The following DPYD variants were observed in gnomAD, a reference collection of about 807,000 sequenced individuals.
The protein encoded by DPYD is dihydropyrimidine dehydrogenase [NADP(+)].
In DPYD, 109 loss-of-function variants were observed where a neutral mutation model predicts 116.2. That is an observed-to-expected ratio of 0.94 (90% confidence interval 0.80 to 1.10). The LOEUF is 1.10. DPYD is among the 50% of genes least tolerant of loss of function. The pLI, the probability that DPYD is intolerant of heterozygous loss-of-function variation, is 0.00. For missense variants in DPYD, 1,302 were observed against 1,254.5 expected, an observed-to-expected ratio of 1.04 and a Z score of -0.57; for synonymous variants, 440 against 432.0, an observed-to-expected ratio of 1.02 and a Z score of -0.23.
At chr1:97,416,322 A>G (rs761437064) in intron 14 of DPYD, among the ~76,000 whole-genome samples, 4 of 152,212 alleles carry the variant, frequency 2.6e-5, no homozygotes, top group Non-Finnish European at 4.4e-5. Context: ...TAGTCTTGTC[A>G]ATAGTTCATG....
intron 3 of DPYD, among the ~76,000 whole-genome samples, chr1:97,763,990 A>G (rs889142659): frequency 2.0e-5 from 3 of 152,204 alleles, no homozygotes; most frequent in African/African-American, 7.2e-5. Flanking sequence ...ATTCAGAATG[A>G]ACATAAAAGT....
At chr1:97,458,757 C>A (rs1676848139) in intron 13 of DPYD, among the ~76,000 whole-genome samples, 1 of 152,126 alleles carries the variant, frequency 6.6e-6, no homozygotes, top group African/African-American at 2.4e-5. Flanking sequence ...AGAATCTTAA[C>A]CTGTGTGAGC....
intron 14 of DPYD, among the ~76,000 whole-genome samples, chr1:97,407,190 T>C (rs1261439912): frequency 6.6e-6 from 1 of 152,152 alleles, no homozygotes; most frequent in African/African-American, 2.4e-5. Flanking sequence ...AATAAAATAA[T>C]GAAAACTCTT....
intron 7 of DPYD, among the ~76,000 whole-genome samples, chr1:97,688,530 C>A (rs1449837863): frequency 6.6e-6 from 1 of 151,924 alleles, no homozygotes; most frequent in African/African-American, 2.4e-5. Flanking sequence ...GAGAAGATGA[C>A]AACTTCCAAA....
intron 12 of DPYD, among the ~76,000 whole-genome samples, chr1:97,533,533 C>T (rs940468202): frequency 3.3e-5 from 5 of 152,126 alleles, no homozygotes; most frequent in South Asian, 4.1e-4. Context: ...GTAATAAAAA[C>T]ATGGTGACCA....
chr1:97,784,472 G>A (rs1349024982), intron 3 of DPYD, among the ~76,000 whole-genome samples: 1 of 152,010 alleles, frequency 6.6e-6, no homozygotes, highest in African/African-American at 2.4e-5. Flanking sequence ...TTAAACAAAT[G>A]TAAATATATG....
At chr1:97,487,895 C>T (rs1333097076) in intron 13 of DPYD, among the ~76,000 whole-genome samples, 1 of 152,030 alleles carries the variant, frequency 6.6e-6, no homozygotes, top group Admixed American at 6.6e-5. Context: ...ATATAGTTAC[C>T]ATATGACCCA....
intron 16 of DPYD, among the ~76,000 whole-genome samples, chr1:97,346,849 A>C (rs1018324782): frequency 1.3e-5 from 2 of 151,946 alleles, no homozygotes; most frequent in African/African-American, 4.8e-5. Flanking sequence ...ATATAGCTTT[A>C]TAAGAATTGT....
intron 14 of DPYD, among the ~76,000 whole-genome samples, chr1:97,429,856 T>C (rs1675075486): frequency 6.6e-6 from 1 of 152,084 alleles, no homozygotes; most frequent in South Asian, 2.1e-4. Context: ...TTAAGAGGAA[T>C]AGGGATGTGG....
intron 19 of DPYD, among the ~76,000 whole-genome samples, chr1:97,203,793 C>CAAAAA (rs56819543): frequency 4.0e-4 from 26 of 65,702 alleles, no homozygotes; most frequent in East Asian, 9.3e-4. Context: ...ATTCACATTC[C>CAAAAA]AAAAAAAAAA....
intron 8 of DPYD, among the ~76,000 whole-genome samples, chr1:97,666,351 G>T (rs1659556172): frequency 6.6e-6 from 1 of 151,906 alleles, no homozygotes; most frequent in African/African-American, 2.4e-5. Flanking sequence ...TAGAGATAAG[G>T]TCTTGCTATG....
At chr1:97,681,079 G>T (rs1660405099) in intron 7 of DPYD, among the ~76,000 whole-genome samples, 1 of 152,118 alleles carries the variant, frequency 6.6e-6, no homozygotes, top group African/African-American at 2.4e-5. Context: ...TCTCTTCTAA[G>T]TACTGCATAT....
chr1:97,456,341 C>T (rs967591897), intron 13 of DPYD, among the ~76,000 whole-genome samples: 1 of 151,976 alleles, frequency 6.6e-6, no homozygotes, highest in Non-Finnish European at 1.5e-5. Flanking sequence ...ACATAACACA[C>T]ACAAATATGC....
intron 7 of DPYD, among the ~76,000 whole-genome samples, chr1:97,685,659 G>A (rs761573180): frequency 1.6e-4 from 25 of 152,272 alleles, no homozygotes; most frequent in East Asian, 9.7e-4. Context: ...CAAAGTCAGC[G>A]TGCAAAAACC....
chr1:97,555,698 A>T (rs1262116830), intron 11 of DPYD, among the ~76,000 whole-genome samples: 1 of 152,054 alleles, frequency 6.6e-6, no homozygotes, highest in Non-Finnish European at 1.5e-5. Flanking sequence ...GCAAAACTAC[A>T]AACCTACTGG....
chr1:97,610,972 T>C (rs1255102419), intron 8 of DPYD, among the ~76,000 whole-genome samples: 1 of 149,804 alleles, frequency 6.7e-6, no homozygotes, highest in East Asian at 1.9e-4. Context: ...TGTGTTTGTG[T>C]GTGTGTATAT....
At chr1:97,818,163 C>T (rs1177472904) in intron 3 of DPYD, among the ~76,000 whole-genome samples, 1 of 151,930 alleles carries the variant, frequency 6.6e-6, no homozygotes, top group Non-Finnish European at 1.5e-5. Flanking sequence ...ATCAATGGTA[C>T]ATATTTCTTT....
At chr1:97,506,683 T>A (rs1473146934) in intron 13 of DPYD, among the ~76,000 whole-genome samples, 2 of 151,974 alleles carry the variant, frequency 1.3e-5, no homozygotes, top group Non-Finnish European at 2.9e-5. Context: ...CCAAAATGAT[T>A]AACTAATTAA....
intron 20 of DPYD, among the ~76,000 whole-genome samples, chr1:97,152,483 C>T (rs1655102086): frequency 6.7e-6 from 1 of 150,292 alleles, no homozygotes; most frequent in Admixed American, 6.7e-5. Flanking sequence ...TACATAAACA[C>T]ATTGAATATA....
Sources: allele counts gnomAD v4.1 joint callset (sites outside exome capture counted in the v4.1 genomes callset), GRCh38; gene constraint gnomAD v4.1.1; transcripts MANE v1.5; gene names NCBI Gene and HGNC (gene_info 2026-07-23, HGNC 2026-07-21).